The following DCLK1 variants were observed in gnomAD, a reference collection of about 807,000 sequenced individuals.
DCLK1 encodes doublecortin like kinase 1.
Under a neutral mutation model 86.2 loss-of-function variants are expected in DCLK1, and 16 were observed. The ratio of observed to expected loss-of-function variants is 0.19; its 90% CI spans 0.13 to 0.28. DCLK1 has a LOEUF of 0.28. Ranked by LOEUF, DCLK1 falls within the 10% of genes least tolerant of loss-of-function variation. The probability of loss-of-function intolerance (pLI) is 1.00; values close to 1 mark genes in which losing one functional copy is unlikely to be tolerated. For synonymous variants in DCLK1, 369 were observed against 370.5 expected (o/e 1.00, Z 0.05); for missense variants, 590 against 940.2 (o/e 0.63, Z 4.87).
At chr13:35,978,287 C>T (rs1879458867) in intron 3 of DCLK1, among the ~76,000 whole-genome samples, 1 of 145,392 alleles carries the variant, frequency 6.9e-6, no homozygotes, top group African/African-American at 2.6e-5. Flanking sequence ...CTCATTGCAA[C>T]CTCTGCCTCT....
chr13:35,882,785 G>A (rs1395674536), intron 4 of DCLK1, among the ~76,000 whole-genome samples: 1 of 152,192 alleles, frequency 6.6e-6, no homozygotes, highest in African/African-American at 2.4e-5. Context: ...TATTTACTGA[G>A]TCTCTGCTGT....
intron 11 of DCLK1, among the ~76,000 whole-genome samples, chr13:35,815,330 A>G (rs1048063478): frequency 6.6e-6 from 1 of 152,338 alleles, no homozygotes; most frequent in Non-Finnish European, 1.5e-5. Context: ...ATGAAAATTC[A>G]CAGATAACCT....
intron 4 of DCLK1, among the ~76,000 whole-genome samples, chr13:35,925,391 A>G (rs948535195): frequency 6.6e-6 from 1 of 152,260 alleles, no homozygotes; most frequent in Non-Finnish European, 1.5e-5. Context: ...TATAATTAGC[A>G]GCAGCACATT....
Position 35,769,729 on chromosome 13 carries a change from A to C in DCLK1, c.*4806T>G, listed in dbSNP as rs2086296171. ...GAACTATTACTTACTTTAAATTATT[A>C]AAGTATATCACAGACAAAATATTCA... On this transcript the variant is annotated 3_prime_UTR_variant, in exon 17 of 17. Coordinates refer to ENST00000360631, the MANE Select transcript of DCLK1 (RefSeq NM_001330071.2). 1 of 152,226 alleles carries C rather than the reference A, an allele frequency of 6.6e-6. No individual in the cohort carries two copies. The highest frequency in any genetic ancestry group is 1.9e-4 in the East Asian group (1 of 5,192). 9.4% of individuals were successfully genotyped at this position (152,226 alleles called of 1,614,324 possible).
intron 16 of DCLK1, among the ~76,000 whole-genome samples, chr13:35,778,330 G>T (rs1020767007): frequency 6.6e-6 from 1 of 152,132 alleles, no homozygotes; most frequent in Non-Finnish European, 1.5e-5. Context: ...TACTCAAAAT[G>T]ATCCTATGGC....
At chr13:35,990,355 C>T (rs1031613824) in intron 3 of DCLK1, among the ~76,000 whole-genome samples, 1 of 152,160 alleles carries the variant, frequency 6.6e-6, no homozygotes, top group Non-Finnish European at 1.5e-5. Context: ...CTTGCCCAGG[C>T]CTTTGAAGCA....
chr13:36,001,641 T>G (rs1566640135), intron 3 of DCLK1, among the ~76,000 whole-genome samples: 1 of 152,188 alleles, frequency 6.6e-6, no homozygotes, highest in Non-Finnish European at 1.5e-5. Flanking sequence ...TGGAATATGA[T>G]GTGCACCCTG....
rs946973517 is a variant in DCLK1 at position 35,770,137 on chromosome 13, C to G, written c.*4398G>C. ...AAAATAAAAGACTGGCTTAAAAGCA[C>G]CTCCTCCTCTAGTGTGTAATTACAT... is the stretch of plus-strand genomic sequence containing the variant. On this transcript the variant is annotated 3_prime_UTR_variant, in exon 17 of 17. Coordinates refer to ENST00000360631, the MANE Select transcript of DCLK1 (RefSeq NM_001330071.2). 2 of 152,170 alleles carry G rather than the reference C, an allele frequency of 1.3e-5. No homozygotes were observed. The highest frequency in any genetic ancestry group is 2.9e-5 in the Non-Finnish European group (2 of 68,028). The allele number at this position is 152,170 out of a possible 1,614,324, so 9.4% of individuals were successfully genotyped here.
rs1404071138 is a variant in DCLK1, at chr13:36,011,533, G to A, written c.724-64076C>T. 4.9e-5 allele frequency among the ~76,000 whole-genome samples: 7 copies of A among 141,428 alleles called. No homozygotes were observed. The East Asian group carries it at 6.3e-4, about 13-fold the overall frequency. The allele number at this position is 141,428 out of a possible 152,430, so 92.8% of individuals were successfully genotyped here. ...TTGTTCAGTTTCCATGTAGTTGAGCGGCTTTGAGTGAGATTCTTAATCCTG... is the reference window on the plus strand; with the variant it reads ...TTGTTCAGTTTCCATGTAGTTGAGCAGCTTTGAGTGAGATTCTTAATCCTG... On this transcript the variant is annotated intron_variant, in intron 3 of 16. Coordinates refer to ENST00000360631, the MANE Select transcript of DCLK1 (RefSeq NM_001330071.2).
At chr13:36,090,926 T>C (rs113172606) in intron 3 of DCLK1, among the ~76,000 whole-genome samples, 50 of 152,022 alleles carry the variant, frequency 3.3e-4, no homozygotes, top group African/African-American at 1.2e-3. Context: ...TACAATCTCC[T>C]TGGGCACATA....
chr13:35,798,785 C>T (rs2086861504), intron 15 of DCLK1, among the ~76,000 whole-genome samples: 1 of 152,214 alleles, frequency 6.6e-6, no homozygotes, highest in South Asian at 2.1e-4. Context: ...CACTTAATTG[C>T]TAACAAATTC....
At chr13:35,867,106 T>C (rs1455315804) in intron 5 of DCLK1, among the ~76,000 whole-genome samples, 4 of 152,238 alleles carry the variant, frequency 2.6e-5, no homozygotes, top group African/African-American at 9.6e-5. Context: ...GGGAGTTGAC[T>C]GCCCTGTGAA....
chr13:36,065,681 A>T (rs1883720835), intron 3 of DCLK1, among the ~76,000 whole-genome samples: 1 of 152,066 alleles, frequency 6.6e-6, no homozygotes, highest in Admixed American at 6.6e-5. Flanking sequence ...ACCACATCCT[A>T]AAATAAGGTC....
At chr13:36,030,351 CA>C in intron 3 of DCLK1, among the ~76,000 whole-genome samples, 1 of 152,156 alleles carries the variant, frequency 6.6e-6, no homozygotes, top group East Asian at 1.9e-4. Context: ...GGCTGGAGTG[CA>C]GTGGCACGAT....
chr13:36,045,372 A>G (rs12860846), intron 3 of DCLK1, among the ~76,000 whole-genome samples: 1 of 129,760 alleles, frequency 7.7e-6, no homozygotes, highest in Admixed American at 8.2e-5. Context: ...ATATATATAT[A>G]TATATTTCAA....
chr13:35,896,835 A>T (rs1341732577), intron 4 of DCLK1, among the ~76,000 whole-genome samples: 7 of 152,070 alleles, frequency 4.6e-5, no homozygotes, highest in Admixed American at 4.6e-4. Context: ...TAGAAGACAG[A>T]GGTGTGTGGA....
chr13:36,041,897 G>A (rs537558796), intron 3 of DCLK1, among the ~76,000 whole-genome samples: 6 of 152,220 alleles, frequency 3.9e-5, no homozygotes, highest in East Asian at 1.9e-4. Flanking sequence ...GTAAGAATAC[G>A]AGAATACAAA....
At chr13:36,127,065 T>C (rs7334946) in intron 1 of DCLK1, among the ~76,000 whole-genome samples, 4,292 of 152,218 alleles carry the variant, frequency 0.028, 215 homozygotes, top group African/African-American at 0.097. Context: ...GTAGCTATGG[T>C]GGGCTGGGAC....
intron 3 of DCLK1, among the ~76,000 whole-genome samples, chr13:36,014,096 C>G (rs527946255): frequency 6.6e-6 from 1 of 152,202 alleles, no homozygotes; most frequent in African/African-American, 2.4e-5. Flanking sequence ...CACTGGCCTG[C>G]GCCCACTGTC....
Sources: allele counts gnomAD v4.1 joint callset (sites outside exome capture counted in the v4.1 genomes callset), GRCh38; gene constraint gnomAD v4.1.1; transcripts MANE v1.5; gene names NCBI Gene and HGNC (gene_info 2026-07-23, HGNC 2026-07-21).